Variants in ADGRL2 observed in about 807,000 individuals in gnomAD.
ADGRL2 encodes calcium-independent alpha-latrotoxin receptor 2.
In ADGRL2, 44 loss-of-function variants were observed where a neutral mutation model predicts 157.4. That is an observed-to-expected ratio of 0.28 (90% confidence interval 0.22 to 0.36). ADGRL2 has a LOEUF of 0.36. ADGRL2 is among the 10% of genes least tolerant of loss of function. The pLI, the probability that ADGRL2 is intolerant of heterozygous loss-of-function variation, is 1.00. For synonymous variants in ADGRL2, 585 were observed against 624.7 expected, an observed-to-expected ratio of 0.94 and a Z score of 0.95; for missense variants, 1,510 against 1,768.9, an observed-to-expected ratio of 0.85 and a Z score of 2.63.
At chr1:81,842,308 G>A (rs2092616175) in intron 2 of ADGRL2, among the ~76,000 whole-genome samples, 1 of 147,078 alleles carries the variant, frequency 6.8e-6, no homozygotes, top group African/African-American at 2.5e-5. Context: ...GGCTTCTTGG[G>A]AATAATTTTA....
chr1:81,464,272 A>G (rs1001495621), intron 2 of ADGRL2, among the ~76,000 whole-genome samples: 1 of 150,828 alleles, frequency 6.6e-6, no homozygotes, highest in Admixed American at 6.6e-5. Flanking sequence ...TCCTCTCCCT[A>G]TCTCTCCTCA....
intron 1 of ADGRL2, among the ~76,000 whole-genome samples, chr1:81,801,313 G>C (rs753357474): frequency 7.9e-5 from 12 of 152,182 alleles, no homozygotes; most frequent in East Asian, 1.9e-4. Context: ...AGCCCAACTG[G>C]CGGGGAGGGC....
chr1:81,532,651 A>C (rs2079629847), intron 2 of ADGRL2, among the ~76,000 whole-genome samples: 1 of 151,606 alleles, frequency 6.6e-6, no homozygotes, highest in Non-Finnish European at 1.5e-5. Context: ...CTGGTGGCTC[A>C]TGTCTGTAAT....
At chr1:81,989,640 T>C (rs1355682457) in intron 23 of ADGRL2, 1 of 1,607,232 alleles carries the variant, frequency 6.2e-7, no homozygotes, top group Admixed American at 1.7e-5. Flanking sequence ...ATCATTTTAC[T>C]TTCTTTTATA....
chr1:81,888,646 GGCACC>G (rs2094187514), intron 2 of ADGRL2, among the ~76,000 whole-genome samples: 1 of 151,984 alleles, frequency 6.6e-6, no homozygotes, highest in Non-Finnish European at 1.5e-5. Flanking sequence ...GTTTCACCTT[GGCACC>G]TTAGTAGACC....
chr1:81,491,429 A>G (rs2078630756), intron 2 of ADGRL2, among the ~76,000 whole-genome samples: 1 of 147,796 alleles, frequency 6.8e-6, no homozygotes, highest in African/African-American at 2.7e-5. Flanking sequence ...ATTTTGCTAT[A>G]TATACTCTGC....
intron 2 of ADGRL2, among the ~76,000 whole-genome samples, chr1:81,545,561 TGAGCTATC>T (rs2079995921): frequency 6.6e-6 from 1 of 152,142 alleles, no homozygotes; most frequent in Non-Finnish European, 1.5e-5. Context: ...GTTACAGGCT[TGAGCTATC>T]GAGCCTGGCC....
intron 2 of ADGRL2, among the ~76,000 whole-genome samples, chr1:81,536,404 A>G (rs2079738459): frequency 1.3e-5 from 2 of 152,210 alleles, no homozygotes; most frequent in Non-Finnish European, 2.9e-5. Flanking sequence ...TTGAAACAAG[A>G]AAGATTTCTC....
chr1:81,403,655 G>A (rs1355589959), intron 1 of ADGRL2, among the ~76,000 whole-genome samples: 1 of 151,992 alleles, frequency 6.6e-6, no homozygotes, highest in African/African-American at 2.4e-5. Context: ...GGTAATCTTG[G>A]AAAAATGGGT....
At chr1:81,637,028 G>A (rs890039568) in intron 3 of ADGRL2, among the ~76,000 whole-genome samples, 1 of 152,072 alleles carries the variant, frequency 6.6e-6, no homozygotes, top group African/African-American at 2.4e-5. Context: ...TAGATTTGGG[G>A]TTTCACCATG....
At chr1:81,533,789 T>A (rs550605258) in intron 2 of ADGRL2, among the ~76,000 whole-genome samples, 1 of 152,126 alleles carries the variant, frequency 6.6e-6, no homozygotes, top group Non-Finnish European at 1.5e-5. Flanking sequence ...AGCTCCCTCC[T>A]CCCACCCACA....
At chr1:81,818,752 G>A (rs112820644) in intron 1 of ADGRL2, among the ~76,000 whole-genome samples, 1 of 152,222 alleles carries the variant, frequency 6.6e-6, no homozygotes, top group African/African-American at 2.4e-5. Context: ...GTCATACTAC[G>A]ATATCATGCC....
intron 1 of ADGRL2, among the ~76,000 whole-genome samples, chr1:81,338,739 G>A (rs1661836818): frequency 6.6e-6 from 1 of 152,102 alleles, no homozygotes; most frequent in Non-Finnish European, 1.5e-5. Context: ...TGCAAATGAG[G>A]AAATTGAGAC....
At chr1:81,404,225 T>A (rs1322940041) in intron 1 of ADGRL2, among the ~76,000 whole-genome samples, 1 of 152,332 alleles carries the variant, frequency 6.6e-6, no homozygotes. Context: ...CTTGCCGCCA[T>A]CTACTAGCTG....
At chr1:81,663,949 C>T (rs774176494) in intron 3 of ADGRL2, among the ~76,000 whole-genome samples, 3 of 151,996 alleles carry the variant, frequency 2.0e-5, no homozygotes, top group Non-Finnish European at 2.9e-5. Context: ...GAAGGATATC[C>T]GTTTTTGCTT....
chr1:81,778,321 C>CA (rs35538546), intron 2 of ADGRL2, among the ~76,000 whole-genome samples: 2,418 of 136,380 alleles, frequency 0.018, 30 homozygotes, highest in Admixed American at 0.037. Context: ...GACTCCGTCT[C>CA]AAAAAAAAAA....
intron 1 of ADGRL2, among the ~76,000 whole-genome samples, chr1:81,433,892 A>G (rs934828407): frequency 6.6e-6 from 1 of 152,186 alleles, no homozygotes; most frequent in Admixed American, 6.5e-5. Flanking sequence ...AATATGATTC[A>G]TTCACATGCT....
chr1:81,507,503 C>T (rs543905483), intron 2 of ADGRL2, among the ~76,000 whole-genome samples: 11 of 152,244 alleles, frequency 7.2e-5, no homozygotes, highest in South Asian at 4.1e-4. Flanking sequence ...ATGGTGACCA[C>T]GTGTTTTGGA....
chr1:81,429,746 T>C (rs1446215269), intron 1 of ADGRL2, among the ~76,000 whole-genome samples: 1 of 152,172 alleles, frequency 6.6e-6, no homozygotes, highest in Non-Finnish European at 1.5e-5. Flanking sequence ...GATACACATA[T>C]ATAAATGGAA....
Sources: gnomAD v4.1 joint callset for allele counts (sites outside exome capture counted in the v4.1 genomes callset) on GRCh38, gnomAD v4.1.1 for gene constraint, MANE v1.5 for transcripts, NCBI Gene and HGNC (gene_info 2026-07-23, HGNC 2026-07-21) for gene names.